The following PRDM16 variants were observed in gnomAD, a reference collection of about 807,000 sequenced individuals.
The protein encoded by PRDM16 is PR/SET domain 16, also known as histone-lysine N-methyltransferase PRDM16.
Under a neutral mutation model 110.6 loss-of-function variants are expected in PRDM16, and 23 were observed. The ratio of observed to expected loss-of-function variants is 0.21; its 90% confidence interval spans 0.15 to 0.29. The LOEUF (loss-of-function observed/expected upper bound fraction) is 0.29, where lower values mean the gene tolerates loss of function less well. PRDM16 is among the 10% of genes least tolerant of loss of function. PRDM16 has a pLI of 1.00. For missense variants in PRDM16, 1,615 were observed against 1,794.3 expected, an observed-to-expected ratio of 0.90 and a Z score of 1.81; for synonymous variants, 799 against 781.8, an observed-to-expected ratio of 1.02 and a Z score of -0.37.
At chr1:3,341,536 G>T (rs1482790532) in intron 3 of PRDM16, among the ~76,000 whole-genome samples, 1 of 152,230 alleles carries the variant, frequency 6.6e-6, no homozygotes, top group East Asian at 1.9e-4. Context: ...CAAAGAGGAA[G>T]AAACCAGGAT....
intron 3 of PRDM16, among the ~76,000 whole-genome samples, chr1:3,313,409 C>T (rs978225814): frequency 3.9e-4 from 59 of 152,322 alleles, no homozygotes; most frequent in African/African-American, 1.4e-3. Flanking sequence ...TTTGACGTCT[C>T]GAGCAGCTTG....
chr1:3,202,753 G>A (rs1328183936), intron 2 of PRDM16, among the ~76,000 whole-genome samples: 7 of 152,166 alleles, frequency 4.6e-5, no homozygotes. Context: ...AGAAAGAGGA[G>A]GACGGCTCAG....
intron 3 of PRDM16, among the ~76,000 whole-genome samples, chr1:3,259,334 CTG>C (rs1364483860): frequency 6.6e-6 from 1 of 152,214 alleles, no homozygotes; most frequent in African/African-American, 2.4e-5. Flanking sequence ...ACCATGATGA[CTG>C]TGCCTGGGCG....
chr1:3,351,537 TC>T (rs60095806), intron 3 of PRDM16, among the ~76,000 whole-genome samples: 1,658 of 2,888 alleles, frequency 0.57, 363 homozygotes, highest in Middle Eastern at 0.67. Context: ...TCTGTCCCCC[TC>T]CCTCTCTGTC....
At position 3,095,321 on chromosome 1, in the gene PRDM16, G is replaced by A. The variant is rs529623235; in HGVS notation, c.37+26025G>A. 2.6e-4 allele frequency among the ~76,000 whole-genome samples: 39 copies of A among 148,698 alleles called. 1 individual carries two copies. Among genetic ancestry groups the A allele is most frequent in the African/African-American group, 1.0e-3 (38 of 38,020 alleles). Reference sequence around the variant, plus strand: ...AGAAGAGGGCTGCGGAGAAAGTGGAGTAGCAAACAACTCGGTGTGTCTCCA... The same window carrying A: ...AGAAGAGGGCTGCGGAGAAAGTGGAATAGCAAACAACTCGGTGTGTCTCCA... On this transcript the variant is annotated intron_variant, in intron 1 of 16. Coordinates refer to ENST00000270722, the MANE Select transcript of PRDM16 (RefSeq NM_022114.4).
At chr1:3,427,155 T>A (rs139570704) in intron 14 of PRDM16, among the ~76,000 whole-genome samples, 7 of 152,310 alleles carry the variant, frequency 4.6e-5, no homozygotes, top group Admixed American at 1.3e-4. Context: ...GATCCAGGAA[T>A]GTCGGCGCAT....
At position 3,290,083 on chromosome 1, in the gene PRDM16, G is replaced by T. The variant is rs56195320; in HGVS notation, c.438+45946G>T. Among the ~76,000 whole-genome samples, 14,559 of 152,258 alleles carry T rather than the reference G, an allele frequency of 0.096. 937 individuals are homozygous for T. The highest frequency in any genetic ancestry group is 0.17 in the Middle Eastern group (50 of 294). Reference sequence around the variant, plus strand: ...TTTAAAAGTGTGCTCGTGAGCGCAGGGTGTTTTTCCTGAATGAAAACTCAC... The same window carrying T: ...TTTAAAAGTGTGCTCGTGAGCGCAGTGTGTTTTTCCTGAATGAAAACTCAC... On this transcript the variant is annotated intron_variant, in intron 3 of 16. Transcript: ENST00000270722. This position sits in a 1 kb window ranked among gnomAD's most constrained non-coding sequence, Gnocchi z 4.8.
rs1035007353 is a variant in PRDM16, at chr1:3,243,253, C to A, written c.388-834C>A. On this transcript the variant is annotated intron_variant, in intron 2 of 16. Coordinates refer to ENST00000270722, the MANE Select transcript of PRDM16 (RefSeq NM_022114.4). The surrounding 1 kb of genome is among the most constrained non-coding windows in gnomAD (Gnocchi z 5.5). ...GGCACCTGCATGGCACTAGGCACAGCGGCTTTTCTGCCTTAGCTCCATTTC... is the reference window on the plus strand; with the variant it reads ...GGCACCTGCATGGCACTAGGCACAGAGGCTTTTCTGCCTTAGCTCCATTTC... Among the ~76,000 whole-genome samples, 1 of 152,332 alleles carries A rather than the reference C, an allele frequency of 6.6e-6. No individual in the cohort carries two copies. Among genetic ancestry groups the A allele is most frequent in the South Asian group, 2.1e-4 (1 of 4,826 alleles).
intron 3 of PRDM16, among the ~76,000 whole-genome samples, chr1:3,275,075 G>T (rs1429274020): frequency 1.3e-5 from 2 of 152,224 alleles, no homozygotes; most frequent in Non-Finnish European, 2.9e-5. Context: ...TCCCAGGTGC[G>T]CCTGGCAGAG....
chr1:3,220,810 A>G (rs1639134682), intron 2 of PRDM16, among the ~76,000 whole-genome samples: 1 of 152,178 alleles, frequency 6.6e-6, no homozygotes, highest in Non-Finnish European at 1.5e-5. Context: ...GGGTGCTGCT[A>G]CAGTCTGCAT....
intron 3 of PRDM16, among the ~76,000 whole-genome samples, chr1:3,342,433 T>C (rs116518828): frequency 6.6e-6 from 1 of 152,184 alleles, no homozygotes. Context: ...CTAAAATAAG[T>C]GTCCACAGTT....
intron 3 of PRDM16, among the ~76,000 whole-genome samples, chr1:3,272,368 G>C (rs1168382046): frequency 1.3e-5 from 2 of 152,202 alleles, no homozygotes; most frequent in South Asian, 2.1e-4. Context: ...GCCAAGGCTG[G>C]ATGTGTTTTT....
intron 3 of PRDM16, among the ~76,000 whole-genome samples, chr1:3,327,087 C>A (rs1017275174): frequency 6.6e-6 from 1 of 152,228 alleles, no homozygotes; most frequent in East Asian, 1.9e-4. Flanking sequence ...GCGAGGAGGC[C>A]CCAGGCTCTT....
chr1:3,426,810 G>C (rs1030391393), intron 14 of PRDM16, among the ~76,000 whole-genome samples: 1 of 152,160 alleles, frequency 6.6e-6, no homozygotes, highest in African/African-American at 2.4e-5. Context: ...TTAGGGGATC[G>C]TGCCTGGGGA....
In PRDM16 at chr1:3,414,887, C is replaced by A. The variant is rs142578797; in HGVS notation, c.2691+240C>A. On this transcript the variant is annotated intron_variant, in intron 10 of 16. Coordinates refer to ENST00000270722, the MANE Select transcript of PRDM16 (RefSeq NM_022114.4). ...GGCCACCCCAGGGACCTCTCTGACCCCTGGCTCTGGGCTCCAGGAGGGAGA... is the reference window on the plus strand; with the variant it reads ...GGCCACCCCAGGGACCTCTCTGACCACTGGCTCTGGGCTCCAGGAGGGAGA... Among the ~76,000 whole-genome samples the A allele has an allele frequency of 8.9e-3, 1,360 of 152,276 alleles. 17 individuals carry two copies. Among genetic ancestry groups the A allele is most frequent in the African/African-American group, 0.031 (1,289 of 41,548 alleles).
intron 3 of PRDM16, among the ~76,000 whole-genome samples, chr1:3,279,690 C>T (rs955887299): frequency 2.0e-5 from 3 of 152,042 alleles, no homozygotes; most frequent in Admixed American, 6.5e-5. Context: ...GGCAGAGGGT[C>T]GGGGGAGTGG....
chr1:3,114,660 A>G (rs1291891024), intron 1 of PRDM16, among the ~76,000 whole-genome samples: 2 of 152,220 alleles, frequency 1.3e-5, no homozygotes, highest in Non-Finnish European at 2.9e-5. Flanking sequence ...ACACGTGCAC[A>G]CACAAACACA....
intron 10 of PRDM16, among the ~76,000 whole-genome samples, chr1:3,415,449 C>T (rs1038378756): frequency 1.3e-5 from 2 of 152,280 alleles, no homozygotes; most frequent in South Asian, 2.1e-4. Flanking sequence ...GGACGGGCCC[C>T]CCACCTGGTT....
intron 3 of PRDM16, among the ~76,000 whole-genome samples, chr1:3,329,558 C>G (rs988431908): frequency 1.3e-5 from 2 of 152,210 alleles, no homozygotes; most frequent in African/African-American, 4.8e-5. Context: ...GGCGTCCTGA[C>G]CTCATCATCA....
Sources: allele counts gnomAD v4.1 joint callset (sites outside exome capture counted in the v4.1 genomes callset), GRCh38; gene constraint gnomAD v4.1.1; non-coding constraint Gnocchi (gnomAD v3.1); transcripts MANE v1.5; gene names NCBI Gene and HGNC (gene_info 2026-07-23, HGNC 2026-07-21).